Variants in EFR3A observed in about 807,000 individuals in gnomAD.
EFR3A encodes protein EFR3 homolog A.
Under a neutral mutation model 104.4 loss-of-function variants are expected in EFR3A, and 76 were observed. That is an observed-to-expected ratio of 0.73 (90% CI 0.60 to 0.88). The LOEUF is 0.88. Among genes scored for constraint, EFR3A ranks in the 40% least tolerant of loss-of-function variants. The probability of loss-of-function intolerance (pLI) is 0.00; values close to 1 mark genes in which losing one functional copy is unlikely to be tolerated. For missense variants in EFR3A, 985 were observed against 1,012.5 expected (o/e 0.97, Z 0.37); for synonymous variants, 330 against 330.0 (o/e 1.00, Z 0.00).
intron 5 of EFR3A, among the ~76,000 whole-genome samples, chr8:131,950,569 C>A (rs1056210890): frequency 3.9e-5 from 6 of 152,132 alleles, no homozygotes; most frequent in African/African-American, 1.4e-4. Context: ...AATGTCACCT[C>A]TCTCATTCTA....
Position 132,001,692 on chromosome 8 carries a change from A to G in EFR3A, c.2158-67A>G, listed in dbSNP as rs575344853. ...TGAAAAACTTCTTAGATGACTTGTA[A>G]CTAGGTAAAGGTGTTATTTATATTG... On this transcript the variant is annotated intron_variant, in intron 19 of 22. Transcript: ENST00000254624. 2.9e-6 allele frequency: 4 copies of G among 1,367,464 alleles called. No homozygotes were observed. The South Asian group carries it at 4.8e-5, about 16-fold the overall frequency. 84.7% of individuals were successfully genotyped at this position (1,367,464 alleles called of 1,614,324 possible). A position where few individuals can be genotyped will look rare whatever the true frequency, so the allele number is the denominator to read the frequency against.
In EFR3A at chr8:131,984,316, C is replaced by T. The variant is rs750264439; in HGVS notation, c.1737+16C>T. 2.6e-6 allele frequency: 4 copies of T among 1,519,646 alleles called. No homozygotes were observed. In the East Asian group the frequency reaches 9.6e-5, roughly 37 times the overall value. 94.1% of individuals were successfully genotyped at this position (1,519,646 alleles called of 1,614,324 possible). On this transcript the variant is annotated intron_variant, in intron 15 of 22. Transcript: ENST00000254624. ...TGCTTTACAGGTATGCTTTCATAAC[C>T]GTTCACTGCAGAAAACATTTTTTAT...
In EFR3A at chr8:132,013,560, CAT is replaced by C. The variant is rs1435486723; in HGVS notation, c.*2667_*2668del. 27 of 152,524 alleles carry C rather than the reference CAT, an allele frequency of 1.8e-4. No homozygotes were observed. The highest frequency in any genetic ancestry group is 2.9e-4 in the Non-Finnish European group (20 of 68,008). 9.4% of individuals were successfully genotyped at this position (152,524 alleles called of 1,614,324 possible). The stretch of plus-strand genomic sequence containing the variant: ...TGCAATTCATATGTCAGCAATAAAA[CAT>C]AGATTATTTGTATATAAGTTCATTT... On this transcript the variant is annotated 3_prime_UTR_variant, in exon 23 of 23. Coordinates refer to ENST00000254624, the MANE Select transcript of EFR3A (RefSeq NM_015137.6).
Position 131,976,136 on chromosome 8 carries a change from A to C in EFR3A, c.1269A>C (p.Gln423His). The C allele has an allele frequency of 6.4e-7, 1 of 1,556,344 alleles. No individual in the cohort carries two copies. Among genetic ancestry groups the C allele is most frequent in the South Asian group, 1.2e-5 (1 of 86,364 alleles). Residue 423 changes from glutamine (Q) to histidine (H), a missense_variant, in exon 11 of 23, where the codon CAA becomes CAC. Gln to His is a conservative substitution (Grantham distance 24). Transcript: ENST00000254624. The stretch of plus-strand genomic sequence containing the variant: ...CTACCCATACTTTGGATATCAGTCA[A>C]CTAGGGTATGTTCTCAGACTGTAAA... ...GTSTHTLDIS[Q>H]LGDLGTRRIQ...
chr8:131,960,826 GT>G lies in EFR3A; in HGVS notation c.855+1164del, dbSNP rs1819276856. Among the ~76,000 whole-genome samples, 3 of 152,284 alleles carry G rather than the reference GT, an allele frequency of 2.0e-5. No individual in the cohort carries two copies. In the South Asian group the frequency reaches 6.2e-4, roughly 32 times the overall value. On this transcript the variant is annotated intron_variant, in intron 8 of 22. Coordinates refer to ENST00000254624, the MANE Select transcript of EFR3A (RefSeq NM_015137.6). ...GGGTAATAAGATGTGATTAAGAGTT[GT>G]ACTCTGGGATCAGACAGAGTTCACT... is the stretch of plus-strand genomic sequence containing the variant.
At chr8:131,949,936 G>C (rs1818614543) in intron 4 of EFR3A, 33 bp from the exon 5 acceptor site, 1 of 1,531,912 alleles carries the variant, frequency 6.5e-7, no homozygotes, top group African/African-American at 1.4e-5. Context: ...TTCTGAAGAA[G>C]GTGAAGTATA....
chr8:131,931,183 T>C (rs921810433), intron 1 of EFR3A, among the ~76,000 whole-genome samples: 1 of 152,096 alleles, frequency 6.6e-6, no homozygotes, highest in African/African-American at 2.4e-5. Context: ...AAAAGTAATC[T>C]AGGAGATTCT....
chr8:131,967,755 A>G (rs1314344716), intron 8 of EFR3A, among the ~76,000 whole-genome samples: 1 of 151,620 alleles, frequency 6.6e-6, no homozygotes, highest in Non-Finnish European at 1.5e-5. Flanking sequence ...TCAGGTACAC[A>G]TGGATAATAT....
intron 14 of EFR3A, among the ~76,000 whole-genome samples, chr8:131,983,863 A>G (rs561640759): frequency 6.6e-6 from 1 of 152,322 alleles, no homozygotes; most frequent in East Asian, 1.9e-4. Flanking sequence ...TTTTCAAATT[A>G]CTATTAAAAA....
At chr8:131,909,626 A>G (rs974378929) in intron 1 of EFR3A, among the ~76,000 whole-genome samples, 4 of 152,330 alleles carry the variant, frequency 2.6e-5, no homozygotes, top group Non-Finnish European at 2.9e-5. Context: ...GTCTGAGACA[A>G]GAATACAAAT....
intron 3 of EFR3A, among the ~76,000 whole-genome samples, chr8:131,945,732 G>A (rs1818404819): frequency 6.6e-6 from 1 of 151,896 alleles, no homozygotes; most frequent in Non-Finnish European, 1.5e-5. Context: ...ATCAAGTCAG[G>A]GTATCTGGGC....
At chr8:131,910,685 G>A (rs1451667422) in intron 1 of EFR3A, among the ~76,000 whole-genome samples, 1 of 152,182 alleles carries the variant, frequency 6.6e-6, no homozygotes, top group African/African-American at 2.4e-5. Flanking sequence ...GCAGGGCAGA[G>A]GCCCTTTTTT....
At chr8:132,001,934 A>G in intron 20 of EFR3A, 127 bp downstream of exon 20, 2 of 754,018 alleles carry the variant, frequency 2.7e-6, no homozygotes, top group East Asian at 2.5e-5. Context: ...TGGCTTCTAT[A>G]GACATGTATC....
chr8:131,963,911 T>G (rs1199669389), intron 8 of EFR3A, among the ~76,000 whole-genome samples: 1 of 152,142 alleles, frequency 6.6e-6, no homozygotes. Context: ...GCAAGGCTGG[T>G]TCAACATACG....
chr8:131,961,350 G>C (rs187734869), intron 8 of EFR3A, among the ~76,000 whole-genome samples: 1 of 152,294 alleles, frequency 6.6e-6, no homozygotes, highest in East Asian at 1.9e-4. Flanking sequence ...AATAACCAAT[G>C]CAGAGAAGTC....
chr8:131,931,723 A>G (rs1421783120), intron 1 of EFR3A, among the ~76,000 whole-genome samples: 1 of 151,970 alleles, frequency 6.6e-6, no homozygotes, highest in Non-Finnish European at 1.5e-5. Flanking sequence ...GGTAAGTATT[A>G]TAGTTATTAT....
chr8:131,949,751 C>G (rs1818606801), intron 4 of EFR3A, among the ~76,000 whole-genome samples: 1 of 145,198 alleles, frequency 6.9e-6, no homozygotes, highest in African/African-American at 2.7e-5. Context: ...GAATTCAAGG[C>G]TCAGTGAGCT....
Position 132,011,188 on chromosome 8 carries a change from CT to C in EFR3A, c.*297del. On this transcript the variant is annotated 3_prime_UTR_variant, in exon 23 of 23. Coordinates refer to ENST00000254624, the MANE Select transcript of EFR3A (RefSeq NM_015137.6). The stretch of plus-strand genomic sequence containing the variant: ...CCACTGTTAAGTAGTATGTTTTAAA[CT>C]TTTCACAAATGTAATGTTTTTTAAA... 1 of 1,050,714 alleles carries C rather than the reference CT, an allele frequency of 9.5e-7. No individual in the cohort carries two copies. Among genetic ancestry groups the C allele is most frequent in the Non-Finnish European group, 1.1e-6 (1 of 870,462 alleles). 65.1% of individuals were successfully genotyped at this position (1,050,714 alleles called of 1,614,324 possible).
At chr8:131,967,588 C>A (rs998154512) in intron 8 of EFR3A, among the ~76,000 whole-genome samples, 1 of 149,818 alleles carries the variant, frequency 6.7e-6, no homozygotes, top group Non-Finnish European at 1.5e-5. Context: ...AAAAAAAAAA[C>A]CTATTCACTG....
Sources: allele counts gnomAD v4.1 joint callset (sites outside exome capture counted in the v4.1 genomes callset), GRCh38; gene constraint gnomAD v4.1.1; transcripts MANE v1.5; gene names NCBI Gene and HGNC (gene_info 2026-07-23, HGNC 2026-07-21).